The following RBFOX1 variants were observed in gnomAD, a reference collection of about 807,000 sequenced individuals.
RBFOX1 encodes the protein RNA binding fox-1 homolog 1, also known as RNA binding protein fox-1 homolog 1.
Under a neutral mutation model 57.7 loss-of-function variants are expected in RBFOX1, and 8 were observed. That is an observed-to-expected ratio of 0.14 (90% CI 0.08 to 0.25). The LOEUF (loss-of-function observed/expected upper bound fraction) is 0.25, where lower values mean the gene tolerates loss of function less well. Among genes scored for constraint, RBFOX1 ranks in the 10% least tolerant of loss-of-function variants. The pLI is 1.00. For synonymous variants in RBFOX1, 326 were observed against 222.4 expected (o/e 1.47, Z -4.15); for missense variants, 611 against 548.5 (o/e 1.11, Z -1.14).
chr16:7,627,346 G>A (rs2060239088), intron 10 of RBFOX1, among the ~76,000 whole-genome samples: 1 of 152,134 alleles, frequency 6.6e-6, no homozygotes, highest in Admixed American at 6.5e-5. Flanking sequence ...AATAGGAAAG[G>A]ATAATATTGA....
intron 2 of RBFOX1, among the ~76,000 whole-genome samples, chr16:6,452,020 C>G (rs918228561): frequency 6.6e-6 from 1 of 151,240 alleles, no homozygotes; most frequent in Admixed American, 6.6e-5. Flanking sequence ...CCTTCCATGA[C>G]TCCATCCATG....
intron 3 of RBFOX1, among the ~76,000 whole-genome samples, chr16:6,779,159 C>T (rs1323818722): frequency 6.6e-6 from 1 of 151,982 alleles, no homozygotes; most frequent in Non-Finnish European, 1.5e-5. Context: ...ACTTCTAACT[C>T]CCCCTTGCTC....
intron 4 of RBFOX1, among the ~76,000 whole-genome samples, chr16:7,512,113 T>A (rs2075256011): frequency 6.6e-6 from 1 of 151,912 alleles, no homozygotes; most frequent in African/African-American, 2.4e-5. Flanking sequence ...TAGGGAAAGG[T>A]GGGGGTTTGG....
At chr16:5,458,641 G>T (rs1013061555) in intron 1 of RBFOX1, among the ~76,000 whole-genome samples, 1 of 152,210 alleles carries the variant, frequency 6.6e-6, no homozygotes, top group Non-Finnish European at 1.5e-5. Context: ...TACTGCTCTT[G>T]AAGGAAGTGC....
At chr16:5,957,873 A>G (rs1245742559) in intron 4 of RBFOX1, among the ~76,000 whole-genome samples, 2 of 152,154 alleles carry the variant, frequency 1.3e-5, no homozygotes, top group Non-Finnish European at 1.5e-5. Flanking sequence ...ATTATTAACT[A>G]TAGTCACCCT....
At chr16:6,826,022 A>G (rs1280086667) in intron 3 of RBFOX1, among the ~76,000 whole-genome samples, 1 of 152,138 alleles carries the variant, frequency 6.6e-6, no homozygotes, top group Non-Finnish European at 1.5e-5. Context: ...GGCCGACCAC[A>G]TCGTGGTGAT....
chr16:7,605,793 G>T (rs577835052), intron 9 of RBFOX1, among the ~76,000 whole-genome samples: 1 of 152,208 alleles, frequency 6.6e-6, no homozygotes, highest in African/African-American at 2.4e-5. Flanking sequence ...TTCTGCTCAA[G>T]GACTCAGAGC....
At chr16:6,810,725 C>T (rs950047775) in intron 3 of RBFOX1, among the ~76,000 whole-genome samples, 1 of 152,072 alleles carries the variant, frequency 6.6e-6, no homozygotes, top group African/African-American at 2.4e-5. Context: ...GAAGCAAATA[C>T]CTTCTTCACA....
chr16:7,643,581 A>G (rs1289720900), intron 11 of RBFOX1, among the ~76,000 whole-genome samples: 1 of 152,182 alleles, frequency 6.6e-6, no homozygotes, highest in Non-Finnish European at 1.5e-5. Flanking sequence ...GTTTGTGTTC[A>G]TCTGCAGCCT....
chr16:6,008,076 G>C (rs1221076649), intron 4 of RBFOX1, among the ~76,000 whole-genome samples: 1 of 152,128 alleles, frequency 6.6e-6, no homozygotes, highest in South Asian at 2.1e-4. Flanking sequence ...ATGGTGGCAT[G>C]CACCTGTAGT....
intron 3 of RBFOX1, among the ~76,000 whole-genome samples, chr16:6,895,071 A>T (rs1567758392): frequency 6.6e-6 from 1 of 152,106 alleles, no homozygotes. Flanking sequence ...TACATCTTTA[A>T]TAAATAATCT....
At chr16:7,352,748 C>G (rs1188726875) in intron 4 of RBFOX1, among the ~76,000 whole-genome samples, 6 of 152,092 alleles carry the variant, frequency 3.9e-5, no homozygotes, top group African/African-American at 9.7e-5. Flanking sequence ...CAGGGTCTCA[C>G]TCTGTCACCA....
intron 4 of RBFOX1, among the ~76,000 whole-genome samples, chr16:7,501,885 G>A (rs732205): frequency 0.051 from 7,819 of 152,184 alleles, 288 homozygotes; most frequent in East Asian, 0.14. Flanking sequence ...AGCTATAGAG[G>A]TACCTGGGCT....
intron 4 of RBFOX1, among the ~76,000 whole-genome samples, chr16:7,159,050 A>G (rs1482675404): frequency 2.0e-5 from 3 of 149,284 alleles, no homozygotes; most frequent in Non-Finnish European, 4.4e-5. Flanking sequence ...GCTGGCAACC[A>G]CTAACCTGTT....
chr16:7,174,064 G>T (rs913633468), intron 4 of RBFOX1, among the ~76,000 whole-genome samples: 2 of 152,212 alleles, frequency 1.3e-5, no homozygotes, highest in Admixed American at 1.3e-4. Flanking sequence ...TGTGTTAAAT[G>T]CTGAATGGTG....
chr16:5,577,671 G>T, intron 2 of RBFOX1, among the ~76,000 whole-genome samples: 1 of 152,170 alleles, frequency 6.6e-6, no homozygotes, highest in East Asian at 1.9e-4. Context: ...AAATGGCAAG[G>T]CAGTGACTGT....
intron 4 of RBFOX1, among the ~76,000 whole-genome samples, chr16:7,340,214 GT>G (rs1269885015): frequency 1.3e-5 from 2 of 152,146 alleles, no homozygotes; most frequent in Non-Finnish European, 2.9e-5. Flanking sequence ...CAAAATCTAG[GT>G]TCTTGTTATC....
chr16:7,469,308 C>T (rs542289172), intron 4 of RBFOX1, among the ~76,000 whole-genome samples: 8 of 152,114 alleles, frequency 5.3e-5, no homozygotes, highest in East Asian at 1.9e-4. Context: ...ATGATCTGCC[C>T]GCCTCGGCCT....
At chr16:6,454,926 C>T (rs2094728840) in intron 2 of RBFOX1, among the ~76,000 whole-genome samples, 2 of 142,304 alleles carry the variant, frequency 1.4e-5, no homozygotes, top group Admixed American at 7.2e-5. Flanking sequence ...CCCTGTCACC[C>T]AGGCTGGAGT....
Sources: gnomAD v4.1 joint callset for allele counts (sites outside exome capture counted in the v4.1 genomes callset) on GRCh38, gnomAD v4.1.1 for gene constraint, MANE v1.5 for transcripts, NCBI Gene and HGNC (gene_info 2026-07-23, HGNC 2026-07-21) for gene names.